The following DIAPH2 variants were observed in gnomAD, a reference collection of about 807,000 sequenced individuals.
The protein encoded by DIAPH2 is diaphanous related formin 2, also known as protein diaphanous homolog 2.
A neutral mutation model predicts 92.7 loss-of-function variants in DIAPH2; 35 were observed. That is an observed-to-expected ratio of 0.38 (90% CI 0.29 to 0.50). DIAPH2 has a LOEUF of 0.50. Ranked by LOEUF, DIAPH2 falls within the 20% of genes least tolerant of loss-of-function variation. DIAPH2 has a pLI of 0.94. For missense variants in DIAPH2, 701 were observed against 819.5 expected (o/e 0.86, Z 1.77); for synonymous variants, 301 against 280.4 (o/e 1.07, Z -0.73).
At chrX:96,742,996 G>T (rs1037030787) in intron 3 of DIAPH2, among the ~76,000 whole-genome samples, 1 of 112,441 alleles carries the variant, frequency 8.9e-6, no homozygotes, top group Admixed American at 9.4e-5. Context: ...TTAAATTTAT[G>T]TACAACATTT....
At chrX:97,122,128 C>T (rs185324839) in intron 21 of DIAPH2, among the ~76,000 whole-genome samples, 325 of 111,440 alleles carry the variant, frequency 2.9e-3, no homozygotes, top group Non-Finnish European at 5.0e-3. Flanking sequence ...ATTATAGAAC[C>T]AACTCTGGCA....
intron 7 of DIAPH2, among the ~76,000 whole-genome samples, chrX:96,916,022 T>C (rs1270966049): frequency 8.9e-6 from 1 of 111,833 alleles, no homozygotes; most frequent in Non-Finnish European, 1.9e-5. Context: ...TTTCTCTTTT[T>C]CTTCACCTTA....
At chrX:96,768,128 A>G (rs1229828121) in intron 4 of DIAPH2, among the ~76,000 whole-genome samples, 3 of 112,567 alleles carry the variant, frequency 2.7e-5, no homozygotes, top group Non-Finnish European at 3.8e-5. Context: ...TTATTTCACT[A>G]CAAGCCAGGA....
At chrX:97,224,316 G>A (rs2067948940) in intron 22 of DIAPH2, among the ~76,000 whole-genome samples, 1 of 111,410 alleles carries the variant, frequency 9.0e-6, no homozygotes, top group Non-Finnish European at 1.9e-5. Context: ...ATTAAGGAGG[G>A]GATTATGGTC....
chrX:97,061,789 G>A (rs1486565108), intron 17 of DIAPH2, among the ~76,000 whole-genome samples: 1 of 92,175 alleles, frequency 1.1e-5, no homozygotes, highest in African/African-American at 4.1e-5. Context: ...ACTCCAGCCT[G>A]GGCAACAGAT....
At chrX:97,404,831 G>T (rs1039576076) in intron 25 of DIAPH2, among the ~76,000 whole-genome samples, 1 of 112,288 alleles carries the variant, frequency 8.9e-6, no homozygotes, top group African/African-American at 3.2e-5. Context: ...AGCTGAGTTG[G>T]TTGGTTTGTT....
intron 9 of DIAPH2, among the ~76,000 whole-genome samples, chrX:96,925,143 T>C (rs1359417866): frequency 1.8e-5 from 2 of 110,961 alleles, no homozygotes; most frequent in East Asian, 5.7e-4. Context: ...GTGATGTCTT[T>C]ATCTGATCTC....
intron 17 of DIAPH2, among the ~76,000 whole-genome samples, chrX:97,019,480 A>C (rs1003050039): frequency 1.8e-5 from 2 of 111,110 alleles, no homozygotes; most frequent in Admixed American, 1.9e-4. Flanking sequence ...TACAAAATCT[A>C]GATCCTTGAC....
chrX:96,717,656 C>T (rs2063958272), intron 1 of DIAPH2, among the ~76,000 whole-genome samples: 1 of 104,229 alleles, frequency 9.6e-6, no homozygotes, highest in South Asian at 4.4e-4. Flanking sequence ...GTCTTTCCCC[C>T]ACCCGCTCTG....
intron 25 of DIAPH2, among the ~76,000 whole-genome samples, chrX:97,416,176 A>G (rs1602575691): frequency 8.9e-6 from 1 of 112,511 alleles, no homozygotes; most frequent in Non-Finnish European, 1.9e-5. Flanking sequence ...GCTTAAAGGT[A>G]AATCCTTCCC....
intron 17 of DIAPH2, among the ~76,000 whole-genome samples, chrX:97,026,771 G>T (rs778178049): frequency 8.1e-5 from 9 of 111,537 alleles, no homozygotes; most frequent in South Asian, 7.5e-4. Flanking sequence ...AGTTTTTTTT[G>T]TTTGTTTGTT....
chrX:96,857,013 T>C (rs1393665668), intron 4 of DIAPH2, among the ~76,000 whole-genome samples: 1 of 103,181 alleles, frequency 9.7e-6, no homozygotes, highest in Non-Finnish European at 1.9e-5. Flanking sequence ...CACTTCAGGC[T>C]GGGAGACAGA....
chrX:97,528,579 C>T (rs1178646561), intron 26 of DIAPH2: 1 of 111,378 alleles, frequency 9.0e-6, no homozygotes. Context: ...CCAGCTTTCT[C>T]AGGAACTAAT....
chrX:96,954,036 A>G (rs2065793753), intron 15 of DIAPH2: 1 of 111,558 alleles, frequency 9.0e-6, no homozygotes, highest in Admixed American at 9.6e-5. Flanking sequence ...TTTCATGATA[A>G]ATAGTCTTTT....
At chrX:96,971,638 G>A (rs1330523495) in intron 17 of DIAPH2, among the ~76,000 whole-genome samples, 1 of 111,585 alleles carries the variant, frequency 9.0e-6, no homozygotes, top group Non-Finnish European at 1.9e-5. Flanking sequence ...AACCTCTCAT[G>A]TATGTATTGC....
chrX:97,075,269 G>T lies in DIAPH2; in HGVS notation c.2247+8G>T. On this transcript the variant is annotated splice_region_variant and intron_variant, in intron 19 of 26. Transcript: ENST00000324765. ...AGTGAGGCTTTAATTCAGGTAACTT[G>T]GATATTTTCCTTTTGAAATTCATTT... is the stretch of plus-strand genomic sequence containing the variant. 1.8e-6 allele frequency: 2 copies of T among 1,111,808 alleles called. No individual in the cohort carries two copies. The highest frequency in any genetic ancestry group is 2.1e-5 in the South Asian group (1 of 47,764). 91.6% of individuals were successfully genotyped at this position (1,111,808 alleles called of 1,213,427 possible).
Position 97,604,724 on chromosome X carries a change from A to T in DIAPH2, c.*5407A>T, listed in dbSNP as rs930953367. ...CAGTGCAGGCACAAAACTACCTCTG[A>T]TACAGAAGGGTTCTTTACAAGCTTA... On this transcript the variant is annotated 3_prime_UTR_variant, in exon 27 of 27. Transcript: ENST00000324765. 1 of 112,372 alleles carries T rather than the reference A, an allele frequency of 8.9e-6. No individual in the cohort carries two copies. The highest frequency in any genetic ancestry group is 1.9e-5 in the Non-Finnish European group (1 of 53,231). 9.3% of individuals were successfully genotyped at this position (112,372 alleles called of 1,213,427 possible).
chrX:97,129,598 A>G (rs1010478421), intron 21 of DIAPH2, among the ~76,000 whole-genome samples: 5 of 111,997 alleles, frequency 4.5e-5, no homozygotes, highest in African/African-American at 6.5e-5. Context: ...TTCTGTTAAT[A>G]TAAAGTAGAG....
chrX:97,342,645 G>C (rs1172709230), intron 23 of DIAPH2, among the ~76,000 whole-genome samples: 1 of 112,110 alleles, frequency 8.9e-6, no homozygotes, highest in Non-Finnish European at 1.9e-5. Context: ...GTGTTGATGA[G>C]TCAGTGATCA....
Sources: gnomAD v4.1 joint callset for allele counts (sites outside exome capture counted in the v4.1 genomes callset) on GRCh38, gnomAD v4.1.1 for gene constraint, MANE v1.5 for transcripts, NCBI Gene and HGNC (gene_info 2026-07-23, HGNC 2026-07-21) for gene names.